The following NTN4 variants were observed in gnomAD, a reference collection of about 807,000 sequenced individuals.
The protein encoded by NTN4 is netrin-4.
A neutral mutation model predicts 73.6 loss-of-function variants in NTN4; 32 were observed. That is an observed-to-expected ratio of 0.44 (90% CI 0.33 to 0.58). The LOEUF is 0.58. Among genes scored for constraint, NTN4 ranks in the 20% least tolerant of loss-of-function variants. NTN4 has a pLI of 0.04. For synonymous variants in NTN4, 258 were observed against 287.5 expected, an observed-to-expected ratio of 0.90 and a Z score of 1.04; for missense variants, 654 against 798.3, an observed-to-expected ratio of 0.82 and a Z score of 2.18.
chr12:95,668,112 T>C (rs1277941054), intron 8 of NTN4, among the ~76,000 whole-genome samples: 2 of 152,018 alleles, frequency 1.3e-5, no homozygotes, highest in Admixed American at 6.6e-5. Flanking sequence ...TCAATAGATA[T>C]TTGCTAAAGG....
At chr12:95,706,755 A>G (rs376657210) in intron 5 of NTN4, among the ~76,000 whole-genome samples, 7 of 152,174 alleles carry the variant, frequency 4.6e-5, no homozygotes, top group African/African-American at 1.7e-4. Flanking sequence ...CACATAGAAG[A>G]GGCTCAAATG....
chr12:95,665,035 T>A, intron 9 of NTN4, among the ~76,000 whole-genome samples: 1 of 152,132 alleles, frequency 6.6e-6, no homozygotes, highest in Non-Finnish European at 1.5e-5. Context: ...CTAAGTATTA[T>A]GTTACCATTA....
At chr12:95,683,354 G>A (rs1014075443) in intron 6 of NTN4, 144 bp downstream of exon 6, 8 of 774,402 alleles carry the variant, frequency 1.0e-5, no homozygotes, top group East Asian at 2.7e-5. Flanking sequence ...GAGCCACCAC[G>A]CCCAGCCTGA....
rs865958622 is a variant in NTN4, at chr12:95,753,848, A to G, written c.586-15704T>C. ...CTCCTTTTTATTAGGCCCCAGTCTC[A>G]TTCGACACCAGACCAACTTAGACTG... On this transcript the variant is annotated intron_variant, in intron 2 of 9. Coordinates refer to ENST00000343702, the MANE Select transcript of NTN4 (RefSeq NM_021229.4). Among the ~76,000 whole-genome samples the G allele has an allele frequency of 2.7e-4, 41 of 152,222 alleles. 1 individual carries two copies. The South Asian group carries it at 7.7e-3, about 28-fold the overall frequency.
intron 2 of NTN4, among the ~76,000 whole-genome samples, chr12:95,775,082 C>A (rs965450690): frequency 6.6e-6 from 1 of 152,182 alleles, no homozygotes; most frequent in African/African-American, 2.4e-5. Flanking sequence ...ATTTAGATTC[C>A]TTTTCAAATG....
At chr12:95,771,122 TG>T (rs768129927) in intron 2 of NTN4, among the ~76,000 whole-genome samples, 1 of 151,850 alleles carries the variant, frequency 6.6e-6, no homozygotes, top group Admixed American at 6.6e-5. Context: ...CCCAAGTAGC[TG>T]GGACTACAGG....
At chr12:95,748,180 G>A (rs532985614) in intron 2 of NTN4, among the ~76,000 whole-genome samples, 4 of 137,776 alleles carry the variant, frequency 2.9e-5, no homozygotes, top group East Asian at 2.1e-4. Context: ...GCAGTGAGCC[G>A]AGATCATGCC....
chr12:95,670,709 G>C (rs2078220523), intron 7 of NTN4, among the ~76,000 whole-genome samples: 1 of 152,204 alleles, frequency 6.6e-6, no homozygotes, highest in African/African-American at 2.4e-5. Context: ...GAAACCAAGT[G>C]TACAAAAAGT....
At chr12:95,764,447 C>G (rs1178084200) in intron 2 of NTN4, among the ~76,000 whole-genome samples, 1 of 152,136 alleles carries the variant, frequency 6.6e-6, no homozygotes, top group Non-Finnish European at 1.5e-5. Flanking sequence ...AGCGGATCAC[C>G]TAAGGTCAGG....
intron 5 of NTN4, among the ~76,000 whole-genome samples, chr12:95,687,172 G>A (rs2078367099): frequency 2.6e-5 from 1 of 39,178 alleles, no homozygotes; most frequent in Non-Finnish European, 4.2e-5. Context: ...CTATCACAGT[G>A]CATCATTATT....
Position 95,709,752 on chromosome 12 carries a change from C to T in NTN4, c.1180+689G>A, listed in dbSNP as rs539669166. Among the ~76,000 whole-genome samples the T allele has an allele frequency of 5.3e-5, 8 of 152,188 alleles. No homozygotes were observed. The East Asian group carries it at 9.7e-4, about 18-fold the overall frequency. ...TTTGCCATGTTGCCCAGGCTGGTCT[C>T]GAACTTGTAAGCTCAAACGATCCGC... On this transcript the variant is annotated intron_variant, in intron 5 of 9. Transcript: ENST00000343702.
intron 9 of NTN4, among the ~76,000 whole-genome samples, chr12:95,661,108 G>A (rs1454741046): frequency 6.6e-6 from 1 of 151,004 alleles, no homozygotes; most frequent in Non-Finnish European, 1.5e-5. Context: ...TAAATCCATA[G>A]AAATCCATAA....
chr12:95,790,503 G>T lies in NTN4; in HGVS notation c.-194C>A, dbSNP rs1043910948. 4.5e-5 allele frequency: 20 copies of T among 443,476 alleles called. No individual in the cohort carries two copies. The highest frequency in any genetic ancestry group is 7.5e-5 in the Non-Finnish European group (19 of 254,550). 27.5% of individuals were successfully genotyped at this position (443,476 alleles called of 1,614,324 possible). On this transcript the variant is annotated 5_prime_UTR_variant, in exon 1 of 10. Transcript: ENST00000343702. This position sits in a 1 kb window ranked among gnomAD's most constrained non-coding sequence, Gnocchi z 6.5. ...GGCCGGGACCGCGCGGGGAGGTGGGGTGACCCTCGCGCACCGGCCTGGCGG... is the reference window on the plus strand; with the variant it reads ...GGCCGGGACCGCGCGGGGAGGTGGGTTGACCCTCGCGCACCGGCCTGGCGG...
At chr12:95,761,661 C>T (rs965069207) in intron 2 of NTN4, among the ~76,000 whole-genome samples, 9 of 152,044 alleles carry the variant, frequency 5.9e-5, no homozygotes, top group Admixed American at 2.6e-4. Flanking sequence ...AAGTAAAGTG[C>T]GTCAAAAGAC....
In NTN4 at chr12:95,704,285, T is replaced by C. The variant is rs559392443; in HGVS notation, c.1180+6156A>G. ...GTTATTTTGAATAACATTGTACTTG[T>C]TGTTGATGGAACCACATACTGAAAT... On this transcript the variant is annotated intron_variant, in intron 5 of 9. Coordinates refer to ENST00000343702, the MANE Select transcript of NTN4 (RefSeq NM_021229.4). Among the ~76,000 whole-genome samples the C allele has an allele frequency of 2.1e-4, 32 of 152,334 alleles. 1 individual carries two copies. The South Asian group carries it at 6.4e-3, about 31-fold the overall frequency.
chr12:95,776,634 A>G (rs1417472781), intron 2 of NTN4, among the ~76,000 whole-genome samples: 1 of 152,218 alleles, frequency 6.6e-6, no homozygotes, highest in Non-Finnish European at 1.5e-5. Flanking sequence ...AGAAACGAAC[A>G]AAGCCTCCAA....
chr12:95,715,109 A>G (rs1239237310), intron 3 of NTN4, among the ~76,000 whole-genome samples: 2 of 152,120 alleles, frequency 1.3e-5, no homozygotes, highest in Non-Finnish European at 2.9e-5. Flanking sequence ...TATGACTGCT[A>G]TGGGCCTTAT....
chr12:95,752,964 C>T (rs536492776), intron 2 of NTN4, among the ~76,000 whole-genome samples: 2 of 152,300 alleles, frequency 1.3e-5, no homozygotes, highest in South Asian at 2.1e-4. Context: ...CAGCTGTGCT[C>T]GCTCTTTAAG....
At chr12:95,673,076 CG>C (rs1485156372) in intron 7 of NTN4, 29 of 1,442,050 alleles carry the variant, frequency 2.0e-5, no homozygotes, top group African/African-American at 2.8e-5. Context: ...TGAAGGCCGG[CG>C]GGCGGACTAC....
Sources: allele counts gnomAD v4.1 joint callset (sites outside exome capture counted in the v4.1 genomes callset), GRCh38; gene constraint gnomAD v4.1.1; non-coding constraint Gnocchi (gnomAD v3.1); transcripts MANE v1.5; gene names NCBI Gene and HGNC (gene_info 2026-07-23, HGNC 2026-07-21).